Variants in EYS observed in about 807,000 individuals in gnomAD.
EYS encodes the protein EGF-like photoreceptor maintenance factor.
A neutral mutation model predicts 282.1 loss-of-function variants in EYS; 250 were observed. The observed-to-expected ratio is 0.89, with a 90% CI of 0.80 to 0.98. EYS has a LOEUF of 0.98. EYS is among the 50% of genes least tolerant of loss of function. EYS has a pLI of 0.00. For missense variants in EYS, 4,016 were observed against 3,709.0 expected (o/e 1.08, Z -2.15); for synonymous variants, 1,355 against 1,282.9 (o/e 1.06, Z -1.20).
intron 19 of EYS, among the ~76,000 whole-genome samples, chr6:64,851,130 T>G (rs1439700498): frequency 6.6e-6 from 1 of 152,074 alleles, no homozygotes; most frequent in East Asian, 1.9e-4. Context: ...TGGAAGCGAC[T>G]GCACATGGAT....
intron 19 of EYS, among the ~76,000 whole-genome samples, chr6:64,861,047 C>T (rs565579334): frequency 6.6e-6 from 1 of 152,330 alleles, no homozygotes; most frequent in South Asian, 2.1e-4. Context: ...CCCCAGGCTT[C>T]AGGCCTTCCT....
chr6:63,739,122 T>C (rs957819657), intron 41 of EYS, among the ~76,000 whole-genome samples: 1 of 152,178 alleles, frequency 6.6e-6, no homozygotes, highest in African/African-American at 2.4e-5. Context: ...ATTTAATGGA[T>C]TGTAATCTAT....
chr6:65,223,375 AC>A (rs1278858875), intron 12 of EYS, among the ~76,000 whole-genome samples: 15 of 152,250 alleles, frequency 9.9e-5, no homozygotes, highest in East Asian at 5.8e-4. Context: ...TCCAATAACA[AC>A]AACAAGAACA....
intron 15 of EYS, among the ~76,000 whole-genome samples, chr6:64,913,908 A>T (rs1373270498): frequency 6.6e-6 from 1 of 152,148 alleles, no homozygotes; most frequent in Non-Finnish European, 1.5e-5. Flanking sequence ...AAGCAAACAA[A>T]TAAAAAATAA....
chr6:64,789,098 G>C (rs956417700), intron 22 of EYS, among the ~76,000 whole-genome samples: 4 of 152,040 alleles, frequency 2.6e-5, no homozygotes, highest in Non-Finnish European at 5.9e-5. Context: ...ACAATGTCAA[G>C]CCACCATAGT....
intron 22 of EYS, among the ~76,000 whole-genome samples, chr6:64,696,837 C>T (rs1770599344): frequency 6.6e-6 from 1 of 151,974 alleles, no homozygotes; most frequent in South Asian, 2.1e-4. Context: ...AAGAAATGCC[C>T]AAAGGTGTTT....
chr6:65,649,761 G>C (rs928019762), intron 1 of EYS, among the ~76,000 whole-genome samples: 2 of 152,154 alleles, frequency 1.3e-5, no homozygotes, highest in African/African-American at 4.8e-5. Context: ...TAGCATCGAT[G>C]TAATGATGTG....
rs548514609 is a variant in EYS, at chr6:63,934,643, G to A, written c.7055+49740C>T. 4.6e-5 allele frequency among the ~76,000 whole-genome samples: 7 copies of A among 151,264 alleles called. No individual in the cohort carries two copies. In the South Asian group the frequency reaches 1.5e-3, roughly 32 times the overall value. ...AAACCATCATTCTCAGCAAACTATC[G>A]CAAGGACAAAAAACCAAACACTGCA... On this transcript the variant is annotated intron_variant, in intron 35 of 42. Transcript: ENST00000503581.
intron 12 of EYS, among the ~76,000 whole-genome samples, chr6:65,278,769 T>G (rs1322340571): frequency 6.6e-6 from 1 of 152,178 alleles, no homozygotes; most frequent in East Asian, 1.9e-4. Flanking sequence ...AACAGTTCTG[T>G]GAAATATACT....
At chr6:64,356,729 C>G (rs1771835707) in intron 29 of EYS, among the ~76,000 whole-genome samples, 1 of 151,612 alleles carries the variant, frequency 6.6e-6, no homozygotes, top group Admixed American at 6.6e-5. Flanking sequence ...GCCAAATACA[C>G]ACAGTTTCGA....
At chr6:64,131,962 AT>A (rs1226349125) in intron 31 of EYS, among the ~76,000 whole-genome samples, 1 of 152,086 alleles carries the variant, frequency 6.6e-6, no homozygotes, top group Non-Finnish European at 1.5e-5. Context: ...CCTTCATTTA[AT>A]TTTTTTCTTT....
intron 19 of EYS, among the ~76,000 whole-genome samples, chr6:64,882,272 T>C (rs1193517985): frequency 2.6e-5 from 4 of 151,814 alleles, no homozygotes; most frequent in Non-Finnish European, 5.9e-5. Flanking sequence ...AACTGAATTT[T>C]GTCTTGAAAA....
chr6:64,349,864 G>GT (rs969134576), intron 29 of EYS, among the ~76,000 whole-genome samples: 4 of 151,346 alleles, frequency 2.6e-5, no homozygotes, highest in Non-Finnish European at 4.4e-5. Flanking sequence ...AAAATATGTA[G>GT]TTTTTTTCCC....
At chr6:63,974,323 A>G (rs1239385060) in intron 35 of EYS, among the ~76,000 whole-genome samples, 1 of 152,104 alleles carries the variant, frequency 6.6e-6, no homozygotes, top group East Asian at 1.9e-4. Context: ...CCTACTAAAA[A>G]AAACCATTAA....
intron 22 of EYS, among the ~76,000 whole-genome samples, chr6:64,708,235 A>C (rs942003469): frequency 3.3e-4 from 51 of 152,358 alleles, no homozygotes; most frequent in African/African-American, 1.2e-3. Flanking sequence ...TTAATCAGGC[A>C]TGTGTGCAAA....
chr6:64,561,919 CA>C (rs57111776), intron 26 of EYS, among the ~76,000 whole-genome samples: 16,979 of 87,118 alleles, frequency 0.19, 1,015 homozygotes, highest in East Asian at 0.24. Flanking sequence ...CACATGGAAC[CA>C]AAAAAAAAAA....
intron 30 of EYS, among the ~76,000 whole-genome samples, chr6:64,270,553 T>C (rs1462081536): frequency 1.3e-5 from 2 of 152,056 alleles, no homozygotes; most frequent in Non-Finnish European, 2.9e-5. Flanking sequence ...TTAATGAAAA[T>C]GAAAGATTTA....
chr6:64,631,297 A>G (rs938566087), intron 22 of EYS: 1 of 152,192 alleles, frequency 6.6e-6, no homozygotes, highest in Non-Finnish European at 1.5e-5. Context: ...CTCTCAAATG[A>G]TTCTTCAAAT....
chr6:64,886,195 T>G (rs1583259721), intron 19 of EYS, among the ~76,000 whole-genome samples: 1 of 151,960 alleles, frequency 6.6e-6, no homozygotes, highest in Non-Finnish European at 1.5e-5. Flanking sequence ...CTACCTTCTA[T>G]AAGCTCCCTG....
Sources: gnomAD v4.1 joint callset for allele counts (sites outside exome capture counted in the v4.1 genomes callset) on GRCh38, gnomAD v4.1.1 for gene constraint, MANE v1.5 for transcripts, NCBI Gene and HGNC (gene_info 2026-07-23, HGNC 2026-07-21) for gene names.